FRMPD1: variants seen among roughly 807,000 people sequenced by gnomAD.
FRMPD1 encodes the protein FERM and PDZ domain-containing protein 1.
Under a neutral mutation model 117.8 loss-of-function variants are expected in FRMPD1, and 76 were observed. The ratio of observed to expected loss-of-function variants is 0.65; its 90% CI spans 0.54 to 0.78. The LOEUF (loss-of-function observed/expected upper bound fraction) is 0.78, where lower values mean the gene tolerates loss of function less well. Ranked by LOEUF, FRMPD1 falls within the 30% of genes least tolerant of loss-of-function variation. The probability of loss-of-function intolerance (pLI) is 0.00; values close to 1 mark genes in which losing one functional copy is unlikely to be tolerated. For synonymous variants in FRMPD1, 783 were observed against 770.4 expected, an observed-to-expected ratio of 1.02 and a Z score of -0.27; for missense variants, 1,786 against 1,964.5, an observed-to-expected ratio of 0.91 and a Z score of 1.72.
rs1267874823 is a variant in FRMPD1, at chr9:37,745,202, A to G, written c.3170A>G (p.Glu1057Gly). The change falls in exon 16 of 16, where the codon GAA becomes GGA. Residue 1057 changes from glutamate to glycine, a missense_variant. Transcript: ENST00000377765. ...CATGTCCAGTTGGAAATGGGATTGGAATCTTTTTGTACAAATCATATACAA... is the reference window on the plus strand; with the variant it reads ...CATGTCCAGTTGGAAATGGGATTGGGATCTTTTTGTACAAATCATATACAA... Reference protein sequence around the residue: ...EPHVQLEMGLESFCTNHIQET... With the variant: ...EPHVQLEMGLGSFCTNHIQET... 1 of 1,613,824 alleles carries G rather than the reference A, an allele frequency of 6.2e-7. No homozygotes were observed. Among genetic ancestry groups the G allele is most frequent in the Non-Finnish European group, 8.5e-7 (1 of 1,179,824 alleles).
chr9:37,607,091 G>A, the FRMPD1 span, among the ~76,000 whole-genome samples: 3 of 152,176 alleles, frequency 2.0e-5, no homozygotes, highest in Admixed American at 6.5e-5. Context: ...GGGGCGGGTG[G>A]ATCACCTGAG....
intron 1 of FRMPD1, among the ~76,000 whole-genome samples, chr9:37,678,551 A>G (rs2117902269): frequency 6.6e-6 from 1 of 151,828 alleles, no homozygotes; most frequent in South Asian, 2.1e-4. Flanking sequence ...ACGAGCCACC[A>G]CACCCGGCGT....
chr9:37,647,877 ATAATAGCT>A (rs558879433), upstream of FRMPD1, among the ~76,000 whole-genome samples: 1 of 152,348 alleles, frequency 6.6e-6, no homozygotes, highest in Admixed American at 6.5e-5. Flanking sequence ...CAAGGAAGCA[ATAATAGCT>A]TATGTAAAGT....
chr9:37,628,306 A>G, the FRMPD1 span, among the ~76,000 whole-genome samples: 1 of 152,204 alleles, frequency 6.6e-6, no homozygotes. Flanking sequence ...TGGATGAGGC[A>G]GTAGCAGGAT....
intron 1 of FRMPD1, among the ~76,000 whole-genome samples, chr9:37,678,222 C>A (rs1333488261): frequency 1.7e-5 from 2 of 119,512 alleles, no homozygotes; most frequent in Non-Finnish European, 1.8e-5. Flanking sequence ...GATGCTGATT[C>A]TATCTCTTTT....
the FRMPD1 span, among the ~76,000 whole-genome samples, chr9:37,606,064 G>A: frequency 6.6e-6 from 1 of 152,166 alleles, no homozygotes; most frequent in Non-Finnish European, 1.5e-5. Context: ...GAGATGGGTT[G>A]TATAATCTGT....
At chr9:37,610,823 A>T in the FRMPD1 span, among the ~76,000 whole-genome samples, 1 of 151,956 alleles carries the variant, frequency 6.6e-6, no homozygotes, top group Non-Finnish European at 1.5e-5. Flanking sequence ...ACTGGTCTCG[A>T]ACTCCCAACC....
upstream of FRMPD1, among the ~76,000 whole-genome samples, chr9:37,649,078 C>T (rs1158694345): frequency 1.3e-5 from 2 of 152,002 alleles, no homozygotes; most frequent in African/African-American, 4.8e-5. Flanking sequence ...ACGCAGGTAG[C>T]TAGGAAATGG....
chr9:37,739,334 G>A (rs1824275821), intron 14 of FRMPD1, among the ~76,000 whole-genome samples: 1 of 152,170 alleles, frequency 6.6e-6, no homozygotes, highest in African/African-American at 2.4e-5. Flanking sequence ...GCTCTTCCCC[G>A]TAAGCAGGGC....
chr9:37,650,686 C>G (rs566713531), upstream of FRMPD1, among the ~76,000 whole-genome samples: 1 of 152,246 alleles, frequency 6.6e-6, no homozygotes, highest in South Asian at 2.1e-4. Context: ...TCAGTCTCCC[C>G]CCTGGGTACT....
intron 8 of FRMPD1, among the ~76,000 whole-genome samples, 165 bp from the exon 9 acceptor site, chr9:37,730,819 A>C (rs1444844808): frequency 6.6e-6 from 1 of 152,196 alleles, no homozygotes; most frequent in Non-Finnish European, 1.5e-5. Flanking sequence ...CAGGAAAAAG[A>C]AAGTCAAATT....
chr9:37,684,646 G>A (rs1290332418), intron 1 of FRMPD1, among the ~76,000 whole-genome samples: 1 of 152,206 alleles, frequency 6.6e-6, no homozygotes, highest in Non-Finnish European at 1.5e-5. Context: ...GTAGCACTGA[G>A]AAAGGAGAGG....
At chr9:37,606,324 T>G in the FRMPD1 span, among the ~76,000 whole-genome samples, 5 of 152,246 alleles carry the variant, frequency 3.3e-5, no homozygotes, top group Admixed American at 6.5e-5. Flanking sequence ...TCTTGAGTGA[T>G]GAAAAAATTG....
intron 1 of FRMPD1, among the ~76,000 whole-genome samples, chr9:37,656,724 A>C (rs1820854013): frequency 1.3e-5 from 2 of 152,000 alleles, no homozygotes; most frequent in Admixed American, 6.5e-5. Context: ...TATCTGCCTG[A>C]AGGACAGTGG....
At chr9:37,702,171 C>T (rs10511941) in intron 2 of FRMPD1, among the ~76,000 whole-genome samples, 50,113 of 152,044 alleles carry the variant, frequency 0.33, 9,230 homozygotes, top group Non-Finnish European at 0.43. Context: ...AATTGCTGTT[C>T]ATTACTGGTT....
At chr9:37,731,434 T>C (rs1482710594) in intron 9 of FRMPD1, among the ~76,000 whole-genome samples, 1 of 152,198 alleles carries the variant, frequency 6.6e-6, no homozygotes, top group Non-Finnish European at 1.5e-5. Flanking sequence ...ATGATGACAC[T>C]GAGTCTTGGA....
the FRMPD1 span, among the ~76,000 whole-genome samples, chr9:37,638,016 C>CTTTCTTTCTTTCTTTCTTTT: frequency 8.2e-6 from 1 of 122,106 alleles, no homozygotes; most frequent in Non-Finnish European, 1.7e-5. Context: ...TTCTTTCTTT[C>CTTTCTTTCTTTCTTTCTTTT]TTTCTTTCTC....
intron 1 of FRMPD1, among the ~76,000 whole-genome samples, chr9:37,680,951 T>C (rs1821707995): frequency 1.3e-5 from 2 of 152,172 alleles, no homozygotes; most frequent in South Asian, 4.1e-4. Flanking sequence ...GGCTCATGCC[T>C]GTAATCCCAG....
chr9:37,746,844 C>G lies in FRMPD1; in HGVS notation c.*75C>G. On this transcript the variant is annotated 3_prime_UTR_variant, in exon 16 of 16. Coordinates refer to ENST00000377765, the MANE Select transcript of FRMPD1 (RefSeq NM_014907.3). Reference sequence around the variant, plus strand: ...CCCTGAGAAGCCCCTTCCACTCTCCCACCCACCCTCTTCAAATGTTTACTA... The same window carrying G: ...CCCTGAGAAGCCCCTTCCACTCTCCGACCCACCCTCTTCAAATGTTTACTA... 1.1e-6 allele frequency: 1 copy of G among 926,456 alleles called. No homozygotes were observed. The highest frequency in any genetic ancestry group is 1.5e-5 in the South Asian group (1 of 67,284). The allele number at this position is 926,456 out of a possible 1,614,324, so 57.4% of individuals were successfully genotyped here.
Sources: gnomAD v4.1 joint callset for allele counts (sites outside exome capture counted in the v4.1 genomes callset) on GRCh38, gnomAD v4.1.1 for gene constraint, MANE v1.5 for transcripts, NCBI Gene and HGNC (gene_info 2026-07-23, HGNC 2026-07-21) for gene names.